The following ARHGAP15 variants were observed in gnomAD, a reference collection of about 807,000 sequenced individuals.
The protein encoded by ARHGAP15 is Rho GTPase activating protein 15.
A neutral mutation model predicts 63.7 loss-of-function variants in ARHGAP15; 51 were observed. The ratio of observed to expected loss-of-function variants is 0.80; its 90% CI spans 0.64 to 1.01. The LOEUF (loss-of-function observed/expected upper bound fraction) is 1.01, where lower values mean the gene tolerates loss of function less well. Ranked by LOEUF, ARHGAP15 falls within the 50% of genes least tolerant of loss-of-function variation. The pLI is 0.00. For missense variants in ARHGAP15, 560 were observed against 564.6 expected (o/e 0.99, Z 0.08); for synonymous variants, 191 against 193.8 (o/e 0.99, Z 0.12).
chr2:143,586,339 C>T (rs1040003317), intron 11 of ARHGAP15, among the ~76,000 whole-genome samples: 2 of 152,062 alleles, frequency 1.3e-5, no homozygotes, highest in Non-Finnish European at 2.9e-5. Flanking sequence ...TCTTCTATTA[C>T]ATCTTTAATT....
chr2:143,392,182 A>G (rs1239832641), intron 6 of ARHGAP15, among the ~76,000 whole-genome samples: 8 of 152,240 alleles, frequency 5.3e-5, no homozygotes, highest in Non-Finnish European at 1.0e-4. Context: ...AGTCCCTGTT[A>G]TACTTTTCCA....
chr2:143,625,542 G>C (rs929337106), intron 12 of ARHGAP15, among the ~76,000 whole-genome samples: 9 of 152,106 alleles, frequency 5.9e-5, no homozygotes, highest in African/African-American at 2.2e-4. Flanking sequence ...GTTGAGGCTG[G>C]AACTCTTATC....
intron 4 of ARHGAP15, among the ~76,000 whole-genome samples, chr2:143,225,839 T>G (rs1693191702): frequency 6.6e-6 from 1 of 152,224 alleles, no homozygotes; most frequent in Non-Finnish European, 1.5e-5. Context: ...ACGCTAGGTA[T>G]TCTAAATAAT....
At chr2:143,472,362 A>G (rs1691618336) in intron 8 of ARHGAP15, among the ~76,000 whole-genome samples, 1 of 152,138 alleles carries the variant, frequency 6.6e-6, no homozygotes, top group South Asian at 2.1e-4. Flanking sequence ...CAGTACATTT[A>G]TTGCTATCAA....
chr2:143,471,040 C>A (rs1489888202), intron 8 of ARHGAP15, among the ~76,000 whole-genome samples: 1 of 147,922 alleles, frequency 6.8e-6, no homozygotes, highest in Non-Finnish European at 1.5e-5. Flanking sequence ...TATATATGCA[C>A]ACACACATGT....
At chr2:143,154,406 C>T (rs1689997926) in intron 1 of ARHGAP15, among the ~76,000 whole-genome samples, 1 of 151,884 alleles carries the variant, frequency 6.6e-6, no homozygotes, top group Non-Finnish European at 1.5e-5. Flanking sequence ...GTCCAACAAA[C>T]ATTGGGGTGG....
At chr2:143,510,527 G>A (rs1380894457) in intron 9 of ARHGAP15, among the ~76,000 whole-genome samples, 3 of 152,044 alleles carry the variant, frequency 2.0e-5, no homozygotes, top group Admixed American at 2.0e-4. Flanking sequence ...TCATGGCTCC[G>A]CTAAGCATCT....
chr2:143,415,363 TAAA>T (rs762997790), intron 6 of ARHGAP15, among the ~76,000 whole-genome samples: 2 of 150,824 alleles, frequency 1.3e-5, no homozygotes, highest in Admixed American at 6.6e-5. Flanking sequence ...ACAAAGAACA[TAAA>T]AAAAGGATTG....
At chr2:143,511,858 GAC>G (rs1464971356) in intron 9 of ARHGAP15, among the ~76,000 whole-genome samples, 1 of 152,194 alleles carries the variant, frequency 6.6e-6, no homozygotes, top group African/African-American at 2.4e-5. Flanking sequence ...ATTCAACAAT[GAC>G]AGTGTAGTTA....
At chr2:143,653,328 AC>A (rs1352796888) in intron 12 of ARHGAP15, among the ~76,000 whole-genome samples, 1 of 151,934 alleles carries the variant, frequency 6.6e-6, no homozygotes, top group Non-Finnish European at 1.5e-5. Context: ...ATTTTTTTCC[AC>A]CTTATATCTT....
chr2:143,734,377 T>C (rs1473531190), intron 13 of ARHGAP15, among the ~76,000 whole-genome samples: 2 of 152,238 alleles, frequency 1.3e-5, no homozygotes, highest in Non-Finnish European at 2.9e-5. Context: ...TAATTACCAC[T>C]GGCATCTTTG....
At chr2:143,547,699 T>G (rs955245261) in intron 10 of ARHGAP15, among the ~76,000 whole-genome samples, 2 of 151,674 alleles carry the variant, frequency 1.3e-5, no homozygotes, top group African/African-American at 4.9e-5. Context: ...TTTTTTTTTT[T>G]TGTAACATTT....
At chr2:143,520,604 G>C (rs1056182327) in intron 10 of ARHGAP15, among the ~76,000 whole-genome samples, 8 of 152,152 alleles carry the variant, frequency 5.3e-5, no homozygotes, top group Non-Finnish European at 8.8e-5. Flanking sequence ...TTGGAGTTTA[G>C]AGAAAAATGT....
chr2:143,391,093 A>G (rs967165262), intron 6 of ARHGAP15, among the ~76,000 whole-genome samples: 1 of 152,174 alleles, frequency 6.6e-6, no homozygotes, highest in East Asian at 1.9e-4. Context: ...AAGGGCATAG[A>G]AAGTCCCTGG....
intron 6 of ARHGAP15, among the ~76,000 whole-genome samples, chr2:143,284,903 G>A (rs952193017): frequency 2.6e-5 from 4 of 152,136 alleles, no homozygotes; most frequent in African/African-American, 4.8e-5. Context: ...TGGTTCCCAT[G>A]TCTCAAATTC....
At chr2:143,382,313 C>T (rs919224333) in intron 6 of ARHGAP15, among the ~76,000 whole-genome samples, 4 of 152,104 alleles carry the variant, frequency 2.6e-5, no homozygotes, top group African/African-American at 7.2e-5. Context: ...CTTCAGGGCA[C>T]GCTCCCACTG....
chr2:143,363,801 T>C (rs934542310), intron 6 of ARHGAP15, among the ~76,000 whole-genome samples: 2 of 152,206 alleles, frequency 1.3e-5, no homozygotes, highest in African/African-American at 2.4e-5. Flanking sequence ...CATCAGATCA[T>C]GGGACTTGCC....
At chr2:143,411,960 G>T (rs183778402) in intron 6 of ARHGAP15, among the ~76,000 whole-genome samples, 92 of 152,298 alleles carry the variant, frequency 6.0e-4, no homozygotes, top group Non-Finnish European at 1.1e-3. Context: ...AAAAGCTCAG[G>T]TCTTGCTCAA....
chr2:143,767,183 A>C (rs994915347), intron 13 of ARHGAP15, among the ~76,000 whole-genome samples: 2 of 152,194 alleles, frequency 1.3e-5, no homozygotes, highest in African/African-American at 4.8e-5. Flanking sequence ...AGTAGGCTTC[A>C]GCTGTCAGAA....
Sources: allele counts gnomAD v4.1 joint callset (sites outside exome capture counted in the v4.1 genomes callset), GRCh38; gene constraint gnomAD v4.1.1; transcripts MANE v1.5; gene names NCBI Gene and HGNC (gene_info 2026-07-23, HGNC 2026-07-21).